Variants in CPNE5 observed in about 807,000 individuals in gnomAD.
CPNE5 encodes the protein copine 5.
In CPNE5, 42 loss-of-function variants were observed where a neutral mutation model predicts 81.1. The ratio of observed to expected loss-of-function variants is 0.52; its 90% CI spans 0.40 to 0.67. CPNE5 has a LOEUF of 0.67. CPNE5 is among the 30% of genes least tolerant of loss of function. The pLI, the probability that CPNE5 is intolerant of heterozygous loss-of-function variation, is 0.00. For synonymous variants in CPNE5, 313 were observed against 321.5 expected (o/e 0.97, Z 0.28); for missense variants, 612 against 815.5 (o/e 0.75, Z 3.04).
At chr6:36,748,733 A>G (rs1764473233) in intron 14 of CPNE5, among the ~76,000 whole-genome samples, 1 of 152,184 alleles carries the variant, frequency 6.6e-6, no homozygotes, top group African/African-American at 2.4e-5. Flanking sequence ...TCTTACCAAA[A>G]AATTGAACCT....
intron 1 of CPNE5, among the ~76,000 whole-genome samples, chr6:36,834,407 G>A (rs2150626706): frequency 6.6e-6 from 1 of 152,128 alleles, no homozygotes; most frequent in Admixed American, 6.5e-5. Flanking sequence ...TGCAATCCCG[G>A]CAATTTGGAA....
At chr6:36,814,977 AAACCAACCCCATCTCT>A (rs1771411540) in intron 3 of CPNE5, among the ~76,000 whole-genome samples, 1 of 151,942 alleles carries the variant, frequency 6.6e-6, no homozygotes, top group African/African-American at 2.4e-5. Context: ...GACCAGCCTG[AAACCAACCCCATCTCT>A]ACTAAAAATA....
At chr6:36,813,651 G>T (rs1771294596) in intron 3 of CPNE5, among the ~76,000 whole-genome samples, 1 of 152,168 alleles carries the variant, frequency 6.6e-6, no homozygotes, top group Non-Finnish European at 1.5e-5. Context: ...TGACCGTATT[G>T]TCCACTTTCT....
At chr6:36,789,914 C>A (rs139612069) in intron 8 of CPNE5, among the ~76,000 whole-genome samples, 1 of 152,300 alleles carries the variant, frequency 6.6e-6, no homozygotes, top group Non-Finnish European at 1.5e-5. Flanking sequence ...CCCGGGTGAG[C>A]AGTCACATAT....
chr6:36,747,525 C>T lies in CPNE5; in HGVS notation c.1018+696G>A, dbSNP rs558045611. On this transcript the variant is annotated intron_variant, in intron 15 of 20. Transcript: ENST00000244751. ...TCCTCAGTGTTATTATTACTAAGGC[C>T]CCTTCCAGCTCTGATAGCCCAGTGC... 2.0e-5 allele frequency among the ~76,000 whole-genome samples: 3 copies of T among 152,268 alleles called. No homozygotes were observed. The South Asian group carries it at 6.2e-4, about 32-fold the overall frequency.
chr6:36,827,290 G>A (rs1772582937), intron 1 of CPNE5: 1 of 981,942 alleles, frequency 1.0e-6, no homozygotes, highest in South Asian at 4.7e-5. Context: ...CTAACTGCCT[G>A]TCCAGACAGA....
chr6:36,814,023 G>A (rs1311506061), intron 3 of CPNE5, among the ~76,000 whole-genome samples: 1 of 152,164 alleles, frequency 6.6e-6, no homozygotes, highest in Non-Finnish European at 1.5e-5. Flanking sequence ...AACTCACCTA[G>A]GTCATACAGT....
At chr6:36,758,753 A>C (rs1765735138) in intron 12 of CPNE5, among the ~76,000 whole-genome samples, 1 of 152,148 alleles carries the variant, frequency 6.6e-6, no homozygotes, top group Non-Finnish European at 1.5e-5. Context: ...AGGTAGACAC[A>C]GAAGGAAGGC....
chr6:36,839,427 G>A lies in CPNE5; in HGVS notation c.-50C>T. The A allele has an allele frequency of 1.4e-6, 2 of 1,450,362 alleles. No individual in the cohort carries two copies. Among genetic ancestry groups the A allele is most frequent in the Non-Finnish European group, 1.9e-6 (2 of 1,069,042 alleles). The allele number at this position is 1,450,362 out of a possible 1,614,324, so 89.8% of individuals were successfully genotyped here. A position where few individuals can be genotyped will look rare whatever the true frequency, so the allele number is the denominator to read the frequency against. On this transcript the variant is annotated 5_prime_UTR_variant, in exon 1 of 21. Transcript: ENST00000244751. The surrounding 1 kb of genome is among the most constrained non-coding windows in gnomAD (Gnocchi z 7.3). ...ATTAGTCAATCCCTGCGCGATTCAC[G>A]CCTCCTCCGGAGCGACTGGAGCCCT... is the stretch of plus-strand genomic sequence containing the variant.
intron 3 of CPNE5, among the ~76,000 whole-genome samples, chr6:36,815,551 G>A (rs1036947970): frequency 1.3e-5 from 2 of 152,154 alleles, no homozygotes; most frequent in African/African-American, 4.8e-5. Context: ...GAATTTGCTG[G>A]TGCCTTGATA....
At chr6:36,762,862 T>A (rs1327927021) in intron 12 of CPNE5, 55 bp downstream of exon 12, 5 of 1,418,314 alleles carry the variant, frequency 3.5e-6, no homozygotes, top group African/African-American at 1.4e-5. Context: ...ACTACAGTCC[T>A]CAGTGACTGG....
intron 3 of CPNE5, among the ~76,000 whole-genome samples, chr6:36,818,381 A>T (rs1196432357): frequency 3.3e-5 from 5 of 152,080 alleles, no homozygotes; most frequent in African/African-American, 1.2e-4. Context: ...TCTAGTTCCA[A>T]TTCACACATT....
At chr6:36,756,402 TAG>T in intron 12 of CPNE5, 104 bp from the exon 13 acceptor site, 1 of 929,322 alleles carries the variant, frequency 1.1e-6, no homozygotes, top group Non-Finnish European at 1.7e-6. Flanking sequence ...CCAGCCCCAT[TAG>T]AGTGTGGGGT....
At chr6:36,775,333 G>A (rs1767408947) in intron 9 of CPNE5, among the ~76,000 whole-genome samples, 1 of 152,172 alleles carries the variant, frequency 6.6e-6, no homozygotes, top group Non-Finnish European at 1.5e-5. Context: ...CTGGGTTCTA[G>A]CCTCTGCTCT....
chr6:36,757,510 C>A (rs1048402875), intron 12 of CPNE5: 38 of 273,608 alleles, frequency 1.4e-4, no homozygotes, highest in African/African-American at 8.3e-4. Context: ...TTCCTGCCCC[C>A]GGGCCAGTGG....
At chr6:36,771,486 A>G (rs1277085986) in intron 10 of CPNE5, among the ~76,000 whole-genome samples, 1 of 152,230 alleles carries the variant, frequency 6.6e-6, no homozygotes, top group East Asian at 1.9e-4. Context: ...GTTCCTATAC[A>G]TAAAGCACTT....
intron 10 of CPNE5, among the ~76,000 whole-genome samples, chr6:36,767,557 C>A (rs547380743): frequency 1.3e-5 from 2 of 152,348 alleles, no homozygotes; most frequent in South Asian, 2.1e-4. Context: ...CTTCCCCAGA[C>A]CGCTAAGCTC....
chr6:36,803,347 G>A (rs236404), intron 3 of CPNE5, among the ~76,000 whole-genome samples: 29,810 of 151,806 alleles, frequency 0.2, 3,480 homozygotes, highest in African/African-American at 0.28. Flanking sequence ...TCCTGTGTGC[G>A]CCCATCATCC....
At chr6:36,826,171 A>G (rs1230565126) in intron 1 of CPNE5, among the ~76,000 whole-genome samples, 2 of 152,050 alleles carry the variant, frequency 1.3e-5, no homozygotes, top group Admixed American at 1.3e-4. Flanking sequence ...CGCATGTGTT[A>G]TGGGCGGTGG....
Sources: allele counts gnomAD v4.1 joint callset (sites outside exome capture counted in the v4.1 genomes callset), GRCh38; gene constraint gnomAD v4.1.1; non-coding constraint Gnocchi (gnomAD v3.1); transcripts MANE v1.5; gene names NCBI Gene and HGNC (gene_info 2026-07-23, HGNC 2026-07-21).